Variants in DNAI1 observed in about 807,000 individuals in gnomAD.
DNAI1 encodes dynein, axonemal, intermediate polypeptide 1.
In DNAI1, 67 loss-of-function variants were observed where a neutral mutation model predicts 92.0. The observed-to-expected ratio is 0.73, with a 90% CI of 0.60 to 0.89. The LOEUF (loss-of-function observed/expected upper bound fraction) is 0.89, where lower values mean the gene tolerates loss of function less well. DNAI1 is among the 40% of genes least tolerant of loss of function. The pLI, the probability that DNAI1 is intolerant of heterozygous loss-of-function variation, is 0.00. For missense variants in DNAI1, 839 were observed against 866.6 expected (o/e 0.97, Z 0.40); for synonymous variants, 323 against 319.6 (o/e 1.01, Z -0.11).
chr9:34,510,476 G>C (rs567123481), intron 13 of DNAI1, among the ~76,000 whole-genome samples: 2 of 152,276 alleles, frequency 1.3e-5, no homozygotes, highest in South Asian at 2.1e-4. Context: ...CAGTGAAGCA[G>C]GTTCCAGCTC....
At chr9:34,464,751 G>A (rs564074598) in intron 1 of DNAI1, among the ~76,000 whole-genome samples, 4 of 152,206 alleles carry the variant, frequency 2.6e-5, no homozygotes, top group Admixed American at 6.5e-5. Context: ...CAGTGGCCAT[G>A]ATGACGTCAG....
intron 1 of DNAI1, among the ~76,000 whole-genome samples, chr9:34,462,024 G>A (rs1401567590): frequency 1.3e-5 from 2 of 152,158 alleles, no homozygotes; most frequent in Non-Finnish European, 2.9e-5. Context: ...GATCAGGGTT[G>A]GGTTTGTTAG....
rs1399327107 is a variant in DNAI1, at chr9:34,489,393, T to G, written c.332T>G (p.Ile111Ser). Residue 111 changes from isoleucine to serine, a missense_variant, in exon 5 of 20, where the codon ATC becomes AGC. Coordinates refer to ENST00000242317, the MANE Select transcript of DNAI1 (RefSeq NM_012144.4). ...CACTACACCCAGGTTGGGAACCTGA[T>G]CCCCAAAGACTCAGATGAAGGACGG... ...AVHYTQVGNL[I>S]PKDSDEGRRQ... is the part of the protein sequence containing the mutation. 1.2e-6 allele frequency: 2 copies of G among 1,613,958 alleles called. No individual in the cohort carries two copies. The highest frequency in any genetic ancestry group is 3.3e-5 in the Admixed American group (2 of 59,998).
chr9:34,492,534 A>ATATATATATATATT (rs1824630559), intron 8 of DNAI1, among the ~76,000 whole-genome samples: 1 of 123,614 alleles, frequency 8.1e-6, no homozygotes, highest in Non-Finnish European at 1.7e-5. Context: ...ATATATATAT[A>ATATATATATATATT]TTTGAGACAA....
intron 1 of DNAI1, among the ~76,000 whole-genome samples, chr9:34,465,774 T>G (rs1331768345): frequency 6.6e-6 from 1 of 152,264 alleles, no homozygotes; most frequent in African/African-American, 2.4e-5. Flanking sequence ...GCTCCAGCTG[T>G]GAGCAAGCCA....
At chr9:34,471,264 C>T (rs1363184340) in intron 1 of DNAI1, among the ~76,000 whole-genome samples, 1 of 141,994 alleles carries the variant, frequency 7.0e-6, no homozygotes, top group East Asian at 2.0e-4. Context: ...CCTTCTCTAC[C>T]AAAAAAAAAA....
At chr9:34,485,799 G>C (rs1824457445) in intron 4 of DNAI1, among the ~76,000 whole-genome samples, 1 of 152,142 alleles carries the variant, frequency 6.6e-6, no homozygotes, top group African/African-American at 2.4e-5. Context: ...ATGCTTTTCT[G>C]ATATATGTAA....
intron 1 of DNAI1, among the ~76,000 whole-genome samples, chr9:34,474,202 A>G (rs1458440722): frequency 1.3e-5 from 2 of 152,060 alleles, no homozygotes; most frequent in African/African-American, 4.8e-5. Flanking sequence ...AATTTTGTAT[A>G]TACATCTTAT....
chr9:34,495,098 T>C (rs1824693157), intron 9 of DNAI1, among the ~76,000 whole-genome samples: 1 of 152,212 alleles, frequency 6.6e-6, no homozygotes, highest in African/African-American at 2.4e-5. Context: ...CTCTGTCTCA[T>C]TAGTGATTTG....
chr9:34,481,757 C>T (rs1333129573), intron 1 of DNAI1, among the ~76,000 whole-genome samples: 2 of 152,070 alleles, frequency 1.3e-5, no homozygotes, highest in African/African-American at 4.8e-5. Flanking sequence ...CTGGTGGGCT[C>T]GTGGTCTTGC....
chr9:34,493,091 C>T, intron 8 of DNAI1, 103 bp from the exon 9 acceptor site: 41 of 1,512,944 alleles, frequency 2.7e-5, no homozygotes, highest in Non-Finnish European at 3.5e-5. Context: ...ATGCTTGTTG[C>T]CAGGGTTAAC....
chr9:34,516,729 ATTTTC>A (rs796347476), intron 18 of DNAI1, among the ~76,000 whole-genome samples: 2 of 144,640 alleles, frequency 1.4e-5, no homozygotes, highest in Non-Finnish European at 3.0e-5. Flanking sequence ...GGTAGCTGCT[ATTTTC>A]TTTTCTTTTC....
intron 1 of DNAI1, among the ~76,000 whole-genome samples, chr9:34,479,725 A>C (rs577939673): frequency 6.6e-6 from 1 of 152,246 alleles, no homozygotes; most frequent in African/African-American, 2.4e-5. Flanking sequence ...CTCCAAAGGA[A>C]AGTAGCTCTC....
Position 34,512,118 on chromosome 9 carries a change from C to T in DNAI1, c.1321C>T (p.Gln441Ter). Residue 441 changes from glutamine to a stop codon, truncating the protein, a stop_gained, in exon 14 of 20, where the codon CAG (glutamine) becomes TAG (stop). Coordinates refer to ENST00000242317, the MANE Select transcript of DNAI1 (RefSeq NM_012144.4). LOFTEE classifies it high-confidence loss of function. Reference protein sequence around the residue: ...HSDPVWQVKWQKDDMDQNLNF... With the variant: ...HSDPVWQVKW ...TTTTGGGATGTTTCAGGTCAAGTGG[C>T]AGAAGGATGACATGGACCAAAACCT... 1 of 1,614,110 alleles carries T rather than the reference C, an allele frequency of 6.2e-7. No individual in the cohort carries two copies. Among genetic ancestry groups the T allele is most frequent in the Non-Finnish European group, 8.5e-7 (1 of 1,180,008 alleles).
intron 4 of DNAI1, among the ~76,000 whole-genome samples, chr9:34,485,933 C>T (rs764387756): frequency 1.3e-5 from 2 of 152,190 alleles, no homozygotes; most frequent in Non-Finnish European, 2.9e-5. Context: ...TCCCCACCCC[C>T]AGCCCCACTG....
rs1022057422 is a variant in DNAI1 at position 34,517,407 on chromosome 9, C to T, written c.1941C>T (p.Gly647=). The part of the protein sequence containing the change: ...FNLIHPIIIV[G]DDRGHIISLK... ...TCATCCACCCCATCATCATTGTGGG[C>T]GATGACCGTGGGCACATCATCAGCC... is the stretch of plus-strand genomic sequence containing the variant. Residue 647 remains glycine (G), a synonymous_variant, in exon 19 of 20, where the codon GGC becomes GGT. Coordinates refer to ENST00000242317, the MANE Select transcript of DNAI1 (RefSeq NM_012144.4). 1.9e-5 allele frequency: 30 copies of T among 1,614,052 alleles called. No individual in the cohort carries two copies. The highest frequency in any genetic ancestry group is 6.7e-5 in the Admixed American group (4 of 60,006).
chr9:34,493,282 A>T lies in DNAI1; in HGVS notation c.770A>T (p.Lys257Ile). 2 of 1,614,182 alleles carry T rather than the reference A, an allele frequency of 1.2e-6. No individual in the cohort carries two copies. Among genetic ancestry groups the T allele is most frequent in the Non-Finnish European group, 1.7e-6 (2 of 1,180,012 alleles). The change falls in exon 9 of 20, where the codon AAA becomes ATA. Residue 257 changes from lysine to isoleucine, a missense_variant. Transcript: ENST00000242317. ...AAGGCAAAGACCCCAGTGGCTAAAAAATCAGGGAAGATGGCCATGAGGAAG... is the reference window on the plus strand; with the variant it reads ...AAGGCAAAGACCCCAGTGGCTAAAATATCAGGGAAGATGGCCATGAGGAAG... The part of the protein sequence containing the change: ...KEKAKTPVAK[K>I]SGKMAMRKLT...
chr9:34,520,611 G>T lies in DNAI1; in HGVS notation c.2002-47G>T, dbSNP rs771944907. On this transcript the variant is annotated intron_variant, in intron 19 of 19. Transcript: ENST00000242317. ...AGGAGGTGGTGCTGGGACCCAGAGAGGGGGGGCCCACCATTCCTCCCTCAT... is the reference window on the plus strand; with the variant it reads ...AGGAGGTGGTGCTGGGACCCAGAGATGGGGGGCCCACCATTCCTCCCTCAT... 4.6e-6 allele frequency: 7 copies of T among 1,509,668 alleles called. No homozygotes were observed. The East Asian group carries it at 7.4e-5, about 16-fold the overall frequency. The allele number at this position is 1,509,668 out of a possible 1,614,324, so 93.5% of individuals were successfully genotyped here. A position where few individuals can be genotyped will look rare whatever the true frequency, so the allele number is the denominator to read the frequency against.
At chr9:34,481,885 T>C (rs946746329) in intron 1 of DNAI1, among the ~76,000 whole-genome samples, 2 of 152,188 alleles carry the variant, frequency 1.3e-5, no homozygotes, top group African/African-American at 2.4e-5. Flanking sequence ...GAACAAAGAT[T>C]CCACAGTGTG....
Sources: allele counts gnomAD v4.1 joint callset (sites outside exome capture counted in the v4.1 genomes callset), GRCh38; gene constraint gnomAD v4.1.1; transcripts MANE v1.5; gene names NCBI Gene and HGNC (gene_info 2026-07-23, HGNC 2026-07-21).